The following TPD52 variants were observed in gnomAD, a reference collection of about 807,000 sequenced individuals.
TPD52 encodes the protein tumor protein D52, also known as prostate and colon associated protein.
A neutral mutation model predicts 31.3 loss-of-function variants in TPD52; 17 were observed. The observed-to-expected ratio is 0.54, with a 90% CI of 0.37 to 0.82. The LOEUF (loss-of-function observed/expected upper bound fraction) is 0.82, where lower values mean the gene tolerates loss of function less well. Among genes scored for constraint, TPD52 ranks in the 40% least tolerant of loss-of-function variants. The pLI, the probability that TPD52 is intolerant of heterozygous loss-of-function variation, is 0.00. For synonymous variants in TPD52, 83 were observed against 89.6 expected, an observed-to-expected ratio of 0.93 and a Z score of 0.42; for missense variants, 212 against 240.1, an observed-to-expected ratio of 0.88 and a Z score of 0.77.
chr8:80,138,581 T>C (rs926534596), intron 1 of TPD52, among the ~76,000 whole-genome samples: 3 of 152,068 alleles, frequency 2.0e-5, no homozygotes, highest in East Asian at 1.9e-4. Context: ...AAAAAGAATA[T>C]GCAAATAAAA....
intron 7 of TPD52, chr8:80,042,011 C>T (rs894823344): frequency 3.7e-5 from 8 of 216,180 alleles, no homozygotes; most frequent in East Asian, 1.8e-4. Flanking sequence ...ATCGCTTGAA[C>T]CCAGGAAGTG....
chr8:80,127,652 TA>T (rs1255019719), intron 1 of TPD52: 1 of 152,082 alleles, frequency 6.6e-6, no homozygotes. Context: ...AAAACCCAAA[TA>T]AAGACACTGC....
At chr8:80,032,152 CAAAA>C (rs150988844), downstream of TPD52, among the ~76,000 whole-genome samples, 6,248 of 56,262 alleles carry the variant, frequency 0.11, 314 homozygotes, top group African/African-American at 0.23. Flanking sequence ...GACTCCAGCT[CAAAA>C]AAAAAAAAAA....
At chr8:80,073,039 G>A (rs1234466993) in intron 1 of TPD52, among the ~76,000 whole-genome samples, 4 of 151,964 alleles carry the variant, frequency 2.6e-5, no homozygotes, top group African/African-American at 9.7e-5. Flanking sequence ...GGGAGGTGGA[G>A]GCTGCAGTGA....
At chr8:80,050,071 C>T (rs1811212287) in intron 5 of TPD52, among the ~76,000 whole-genome samples, 1 of 152,016 alleles carries the variant, frequency 6.6e-6, no homozygotes, top group African/African-American at 2.4e-5. Context: ...TGAAGAATTC[C>T]AACATCCTTA....
chr8:80,051,400 G>C (rs1811374400), intron 4 of TPD52, 127 bp downstream of exon 4: 1 of 804,932 alleles, frequency 1.2e-6, no homozygotes, highest in East Asian at 2.7e-5. Context: ...GTTTGAAGGA[G>C]TGCCCTCCCT....
At chr8:80,128,897 G>A (rs1486038386) in intron 1 of TPD52, among the ~76,000 whole-genome samples, 3 of 150,386 alleles carry the variant, frequency 2.0e-5, no homozygotes, top group Admixed American at 6.6e-5. Context: ...TTTTTTTCAG[G>A]AAGAAATGCT....
chr8:80,064,776 A>C, intron 1 of TPD52, 183 bp from the exon 2 acceptor site: 1 of 692,698 alleles, frequency 1.4e-6, no homozygotes. Flanking sequence ...TAACCACCGG[A>C]AACTACCAAG....
chr8:80,117,283 T>A (rs949600498), intron 1 of TPD52, among the ~76,000 whole-genome samples: 1 of 152,154 alleles, frequency 6.6e-6, no homozygotes, highest in Non-Finnish European at 1.5e-5. Context: ...AACTCATAAA[T>A]GAGTTCAGCA....
At chr8:80,149,339 T>C (rs1035201182) in intron 1 of TPD52, among the ~76,000 whole-genome samples, 1 of 152,262 alleles carries the variant, frequency 6.6e-6, no homozygotes, top group African/African-American at 2.4e-5. Context: ...GACATGACTT[T>C]GCTTCTCATT....
At chr8:80,153,074 G>A (rs1174008160) in intron 1 of TPD52, among the ~76,000 whole-genome samples, 1 of 152,166 alleles carries the variant, frequency 6.6e-6, no homozygotes, top group Non-Finnish European at 1.5e-5. Flanking sequence ...AACAAATGTG[G>A]GAGGAGAGTG....
At chr8:80,073,948 T>C (rs573374216) in intron 1 of TPD52, among the ~76,000 whole-genome samples, 11 of 152,246 alleles carry the variant, frequency 7.2e-5, no homozygotes, top group African/African-American at 2.6e-4. Context: ...AAAAATGATA[T>C]CACAGAAAGA....
At chr8:80,155,382 C>G (rs1810894360) in intron 1 of TPD52, among the ~76,000 whole-genome samples, 1 of 152,042 alleles carries the variant, frequency 6.6e-6, no homozygotes, top group Admixed American at 6.6e-5. Context: ...TCAGCAAGTG[C>G]AACAATGCAG....
intron 1 of TPD52, among the ~76,000 whole-genome samples, chr8:80,109,294 C>T (rs1807342994): frequency 6.6e-6 from 1 of 152,146 alleles, no homozygotes; most frequent in Admixed American, 6.5e-5. Flanking sequence ...TCCAGCAAAA[C>T]AAACTTTAAA....
intron 1 of TPD52, among the ~76,000 whole-genome samples, chr8:80,138,170 C>T (rs1205216653): frequency 2.0e-5 from 3 of 151,922 alleles, no homozygotes; most frequent in Admixed American, 6.6e-5. Flanking sequence ...GGTGAACTCC[C>T]GACCTCAGGT....
chr8:80,074,448 G>A (rs1814280420), intron 1 of TPD52, among the ~76,000 whole-genome samples: 1 of 152,150 alleles, frequency 6.6e-6, no homozygotes, highest in Non-Finnish European at 1.5e-5. Context: ...CACCACAATG[G>A]TTGTCTTCGG....
At chr8:80,132,372 A>AT (rs1809082338) in intron 1 of TPD52, among the ~76,000 whole-genome samples, 4 of 151,962 alleles carry the variant, frequency 2.6e-5, no homozygotes, top group Admixed American at 2.6e-4. Context: ...GTCCCAGCTA[A>AT]TTTTTTTAAT....
chr8:80,082,805 G>C (rs1021619965), intron 1 of TPD52, among the ~76,000 whole-genome samples: 22 of 152,166 alleles, frequency 1.4e-4, no homozygotes, highest in African/African-American at 5.1e-4. Context: ...CCTAATCAAT[G>C]TGGAATTAAA....
intron 1 of TPD52, among the ~76,000 whole-genome samples, chr8:80,093,130 T>C (rs982370264): frequency 6.6e-6 from 1 of 152,152 alleles, no homozygotes; most frequent in Non-Finnish European, 1.5e-5. Flanking sequence ...CAACAGGGTG[T>C]GCACATGCTT....
Sources: gnomAD v4.1 joint callset for allele counts (sites outside exome capture counted in the v4.1 genomes callset) on GRCh38, gnomAD v4.1.1 for gene constraint, MANE v1.5 for transcripts, NCBI Gene and HGNC (gene_info 2026-07-23, HGNC 2026-07-21) for gene names.